The following CDC14B variants were observed in gnomAD, a reference collection of about 807,000 sequenced individuals.
CDC14B encodes dual specificity protein phosphatase CDC14B.
CDC14B carries 22 observed loss-of-function variants against 64.2 expected under a neutral mutation model. That is an observed-to-expected ratio of 0.34 (90% CI 0.24 to 0.49). The LOEUF (loss-of-function observed/expected upper bound fraction) is 0.49. Among genes scored for constraint, CDC14B ranks in the 20% least tolerant of loss-of-function variants. CDC14B has a pLI of 0.99. For missense variants in CDC14B, 498 were observed against 629.9 expected, an observed-to-expected ratio of 0.79 and a Z score of 2.24; for synonymous variants, 191 against 215.8, an observed-to-expected ratio of 0.89 and a Z score of 1.01.
chr9:96,571,483 T>A (rs1393268551), intron 1 of CDC14B, among the ~76,000 whole-genome samples: 1 of 152,164 alleles, frequency 6.6e-6, no homozygotes, highest in Non-Finnish European at 1.5e-5. Flanking sequence ...CTATAATGAA[T>A]AATTTTATAA....
At chr9:96,574,697 C>CAAAAAA (rs57056796) in intron 1 of CDC14B, among the ~76,000 whole-genome samples, 4 of 49,960 alleles carry the variant, frequency 8.0e-5, no homozygotes, top group African/African-American at 3.4e-4. Flanking sequence ...CTCGGTCTCA[C>CAAAAAA]AAAAAAAAAA....
chr9:96,582,463 T>G (rs1422959590), intron 1 of CDC14B, among the ~76,000 whole-genome samples: 1 of 152,202 alleles, frequency 6.6e-6, no homozygotes, highest in Non-Finnish European at 1.5e-5. Flanking sequence ...TACCTCTGCC[T>G]CTTTTAAAAA....
chr9:96,493,461 G>A (rs1250577320), intron 13 of CDC14B, among the ~76,000 whole-genome samples: 8 of 152,250 alleles, frequency 5.3e-5, no homozygotes, highest in Non-Finnish European at 1.0e-4. Context: ...GATGGAGGAT[G>A]AGGTGTGGAA....
downstream of CDC14B, among the ~76,000 whole-genome samples, chr9:96,495,314 T>G (rs1052557378): frequency 1.3e-5 from 2 of 151,584 alleles, no homozygotes; most frequent in Non-Finnish European, 2.9e-5. Flanking sequence ...GTAAGACATT[T>G]CTCAAGAACC....
intron 12 of CDC14B, among the ~76,000 whole-genome samples, chr9:96,519,343 T>C (rs573499814): frequency 2.0e-4 from 30 of 152,238 alleles, no homozygotes; most frequent in African/African-American, 6.7e-4. Context: ...TGCCACATGG[T>C]TTCCTGTCAT....
intron 7 of CDC14B, among the ~76,000 whole-genome samples, chr9:96,535,327 A>C (rs1395513045): frequency 1.3e-5 from 2 of 152,200 alleles, no homozygotes; most frequent in African/African-American, 4.8e-5. Flanking sequence ...AAATTAAAAA[A>C]ATAAATAAAT....
chr9:96,603,190 AC>A (rs1846624540), intron 1 of CDC14B, among the ~76,000 whole-genome samples: 4 of 151,750 alleles, frequency 2.6e-5, no homozygotes, highest in African/African-American at 9.7e-5. Context: ...ACACACACAC[AC>A]AAATACACAA....
chr9:96,548,585 G>C (rs182967307), intron 5 of CDC14B, among the ~76,000 whole-genome samples: 173 of 152,242 alleles, frequency 1.1e-3, no homozygotes, highest in African/African-American at 3.9e-3. Flanking sequence ...GGGAGGCCAA[G>C]GTAGGCGGAT....
chr9:96,501,659 A>C lies in CDC14B; in HGVS notation c.*2094T>G, dbSNP rs1044078350. 6 of 152,630 alleles carry C rather than the reference A, an allele frequency of 3.9e-5. No homozygotes were observed. The highest frequency in any genetic ancestry group is 1.4e-4 in the African/African-American group (6 of 41,462). 9.5% of individuals were successfully genotyped at this position (152,630 alleles called of 1,614,324 possible). On this transcript the variant is annotated 3_prime_UTR_variant, in exon 14 of 14. Coordinates refer to ENST00000375241, the MANE Select transcript of CDC14B (RefSeq NM_033331.4). Reference sequence around the variant, plus strand: ...AATTTCAGTGAACCAGTTAAATAGAAAGATTTTTAGAAAGAGCCACAGTGA... The same window carrying C: ...AATTTCAGTGAACCAGTTAAATAGACAGATTTTTAGAAAGAGCCACAGTGA...
chr9:96,552,099 C>G (rs1841913516), intron 4 of CDC14B, among the ~76,000 whole-genome samples: 1 of 152,216 alleles, frequency 6.6e-6, no homozygotes, highest in African/African-American at 2.4e-5. Flanking sequence ...AACAACTCTT[C>G]ACAGCAACCT....
chr9:96,546,616 A>G (rs992965784), intron 5 of CDC14B, among the ~76,000 whole-genome samples: 1 of 151,964 alleles, frequency 6.6e-6, no homozygotes, highest in African/African-American at 2.4e-5. Flanking sequence ...TGCCCTGCTA[A>G]TTTTTGTATT....
intron 12 of CDC14B, 67 bp downstream of exon 12, chr9:96,522,439 A>G (rs1181184460): frequency 2.1e-5 from 21 of 1,023,958 alleles, no homozygotes; most frequent in Non-Finnish European, 2.2e-5. Context: ...GTACAGGAAA[A>G]ACCCTCACCA....
chr9:96,582,195 C>G (rs1279644417), intron 1 of CDC14B, among the ~76,000 whole-genome samples: 1 of 152,156 alleles, frequency 6.6e-6, no homozygotes, highest in African/African-American at 2.4e-5. Context: ...CCTCCCCGTC[C>G]AATTAGGAAT....
chr9:96,499,017 G>A (rs1833366796), downstream of CDC14B, among the ~76,000 whole-genome samples: 1 of 152,210 alleles, frequency 6.6e-6, no homozygotes, highest in Admixed American at 6.5e-5. Flanking sequence ...ATGCCTCCAA[G>A]CCGGCCCCTT....
chr9:96,594,573 A>C (rs1193332145), intron 1 of CDC14B, among the ~76,000 whole-genome samples: 1 of 151,894 alleles, frequency 6.6e-6, no homozygotes. Flanking sequence ...AAAAATTGGC[A>C]GGGTGTGGTG....
chr9:96,512,317 AT>A (rs1179476329), intron 12 of CDC14B, among the ~76,000 whole-genome samples: 3 of 149,198 alleles, frequency 2.0e-5, no homozygotes, highest in East Asian at 1.9e-4. Context: ...TGTTTTTAAA[AT>A]TTTTTTTCTT....
intron 1 of CDC14B, among the ~76,000 whole-genome samples, chr9:96,594,714 CAAAAAA>C (rs11414625): frequency 9.4e-5 from 4 of 42,434 alleles, no homozygotes; most frequent in South Asian, 2.1e-3. Context: ...AAGGCTGTCT[CAAAAAA>C]AAAAAAAAAA....
chr9:96,573,576 G>A (rs567635784), intron 1 of CDC14B, among the ~76,000 whole-genome samples: 116 of 152,170 alleles, frequency 7.6e-4, no homozygotes, highest in African/African-American at 2.5e-3. Context: ...AATGCAATTC[G>A]AATCAAAATC....
At chr9:96,555,182 C>T (rs940451458) in intron 4 of CDC14B, among the ~76,000 whole-genome samples, 6 of 152,146 alleles carry the variant, frequency 3.9e-5, no homozygotes, top group Non-Finnish European at 8.8e-5. Flanking sequence ...GAACAGGGTG[C>T]CCCTGTGTAA....
Sources: gnomAD v4.1 joint callset for allele counts (sites outside exome capture counted in the v4.1 genomes callset) on GRCh38, gnomAD v4.1.1 for gene constraint, MANE v1.5 for transcripts, NCBI Gene and HGNC (gene_info 2026-07-23, HGNC 2026-07-21) for gene names.